Variants in ZFPM1 observed in about 807,000 individuals in gnomAD.
ZFPM1 encodes zinc finger protein, FOG family member 1.
Under a neutral mutation model 46.3 loss-of-function variants are expected in ZFPM1, and 28 were observed. That is an observed-to-expected ratio of 0.60 (90% CI 0.45 to 0.83). The LOEUF is 0.83. ZFPM1 is among the 40% of genes least tolerant of loss of function. The pLI, the probability that ZFPM1 is intolerant of heterozygous loss-of-function variation, is 0.00. For missense variants in ZFPM1, 1,878 were observed against 1,432.4 expected (o/e 1.31, Z -5.02); for synonymous variants, 957 against 675.9 (o/e 1.42, Z -6.45).
At chr16:88,460,876 G>A (rs1270121772) in intron 1 of ZFPM1, among the ~76,000 whole-genome samples, 1 of 152,062 alleles carries the variant, frequency 6.6e-6, no homozygotes, top group Non-Finnish European at 1.5e-5. Flanking sequence ...GGGCCACTGG[G>A]CAGGCTAAGG....
chr16:88,526,356 T>C (rs1176032693), intron 4 of ZFPM1, among the ~76,000 whole-genome samples: 1 of 152,180 alleles, frequency 6.6e-6, no homozygotes, highest in Non-Finnish European at 1.5e-5. Flanking sequence ...ATCTAGGGCC[T>C]GTGTGGAAGG....
At chr16:88,468,422 GC>G (rs1483915070) in intron 1 of ZFPM1, among the ~76,000 whole-genome samples, 1 of 152,152 alleles carries the variant, frequency 6.6e-6, no homozygotes, top group African/African-American at 2.4e-5. Flanking sequence ...CTCTCAACAG[GC>G]CCCCACAGGA....
At position 88,469,814 on chromosome 16, in the gene ZFPM1, G is replaced by A. The variant is rs74032882; in HGVS notation, c.41-16125G>A. On this transcript the variant is annotated intron_variant, in intron 1 of 9. Transcript: ENST00000319555. This position sits in a 1 kb window ranked among gnomAD's most constrained non-coding sequence, Gnocchi z 4.3. ...GAGAGGAAGTAGGGAGGGGCCGTCC[G>A]ACCAGAACCAGACATCACCTTGGCC... Among the ~76,000 whole-genome samples the A allele has an allele frequency of 3.1e-4, 47 of 152,110 alleles. No individual in the cohort carries two copies. Among genetic ancestry groups the A allele is most frequent in the African/African-American group, 1.0e-3 (42 of 41,506 alleles).
chr16:88,533,613 G>T lies in ZFPM1; in HGVS notation c.1655G>T (p.Ser552Ile). The T allele has an allele frequency of 6.8e-7, 1 of 1,480,194 alleles. No individual in the cohort carries two copies. Among genetic ancestry groups the T allele is most frequent in the Non-Finnish European group, 9.0e-7 (1 of 1,114,966 alleles). 91.7% of individuals were successfully genotyped at this position (1,480,194 alleles called of 1,614,324 possible). A position where few individuals can be genotyped will look rare whatever the true frequency, so the allele number is the denominator to read the frequency against. The change falls in exon 10 of 10, where the codon AGC becomes ATC. Residue 552 changes from serine (S) to isoleucine (I), a missense_variant. Coordinates refer to ENST00000319555, the MANE Select transcript of ZFPM1 (RefSeq NM_153813.3). ...ILAKMSELVH[S>I]RLQQGAGAGA... ...GCCAAGATGTCCGAGCTGGTGCACAGCCGGCTGCAGCAGGGCGCGGGCGCG... is the reference window on the plus strand; with the variant it reads ...GCCAAGATGTCCGAGCTGGTGCACATCCGGCTGCAGCAGGGCGCGGGCGCG...
chr16:88,465,541 G>C (rs953774714), intron 1 of ZFPM1, among the ~76,000 whole-genome samples: 1 of 152,242 alleles, frequency 6.6e-6, no homozygotes, highest in African/African-American at 2.4e-5. Context: ...CATTTCGCCT[G>C]TGTGGATCCC....
At chr16:88,496,181 C>T (rs1909920752) in intron 3 of ZFPM1, among the ~76,000 whole-genome samples, 2 of 152,188 alleles carry the variant, frequency 1.3e-5, no homozygotes, top group Non-Finnish European at 2.9e-5. Flanking sequence ...GCTCAGCACA[C>T]ATCCCCTGCC....
intron 2 of ZFPM1, among the ~76,000 whole-genome samples, chr16:88,487,825 C>A (rs1183067270): frequency 6.6e-6 from 1 of 152,176 alleles, no homozygotes; most frequent in African/African-American, 2.4e-5. Flanking sequence ...GCTGGGGCCG[C>A]CATCTCCCCT....
At chr16:88,513,419 GCCTGC>G (rs1222078147) in intron 3 of ZFPM1, 1 of 152,328 alleles carries the variant, frequency 6.6e-6, no homozygotes, top group Non-Finnish European at 1.5e-5. Flanking sequence ...TAAGACCACA[GCCTGC>G]CCAATCGGGG....
At chr16:88,475,038 C>G (rs1332339408) in intron 1 of ZFPM1, among the ~76,000 whole-genome samples, 1 of 152,254 alleles carries the variant, frequency 6.6e-6, no homozygotes, top group Non-Finnish European at 1.5e-5. Context: ...TCTGGCTGCT[C>G]TCTGCCTCAG....
At chr16:88,466,324 T>A (rs1437300979) in intron 1 of ZFPM1, among the ~76,000 whole-genome samples, 1 of 152,168 alleles carries the variant, frequency 6.6e-6, no homozygotes, top group Non-Finnish European at 1.5e-5. Context: ...GCCTATGACC[T>A]CATTCTCCTC....
At chr16:88,493,643 TGAGCTGTCCCGGGGTGCGGG>T (rs1398847756) in intron 3 of ZFPM1, among the ~76,000 whole-genome samples, 2 of 56,300 alleles carry the variant, frequency 3.6e-5, no homozygotes, top group Non-Finnish European at 8.2e-5. Flanking sequence ...CGGGGTGCGG[TGAGCTGTCCCGGGGTGCGGG>T]GAGCTGTCCC....
intron 2 of ZFPM1, among the ~76,000 whole-genome samples, chr16:88,486,702 A>C (rs1909247546): frequency 6.8e-6 from 1 of 148,020 alleles, no homozygotes; most frequent in South Asian, 2.1e-4. Context: ...GCTGGGTGCA[A>C]GTGGGTACTG....
intron 6 of ZFPM1, chr16:88,530,647 G>A (rs924521926): frequency 6.6e-6 from 1 of 152,266 alleles, no homozygotes; most frequent in African/African-American, 2.4e-5. Context: ...TTGGCCTGTG[G>A]TCACCAGCAG....
chr16:88,518,675 G>C (rs974746765), intron 4 of ZFPM1, among the ~76,000 whole-genome samples: 1 of 149,568 alleles, frequency 6.7e-6, no homozygotes, highest in Non-Finnish European at 1.5e-5. Context: ...ATGGATGAGT[G>C]GGTGGGTGGA....
intron 1 of ZFPM1, among the ~76,000 whole-genome samples, chr16:88,473,687 G>T (rs1908531657): frequency 6.6e-6 from 1 of 152,124 alleles, no homozygotes; most frequent in Admixed American, 6.5e-5. Flanking sequence ...CATCTGGGGA[G>T]GGGGGTCGCT....
At chr16:88,494,996 G>A (rs983845567) in intron 3 of ZFPM1, among the ~76,000 whole-genome samples, 41 of 152,238 alleles carry the variant, frequency 2.7e-4, no homozygotes, top group Non-Finnish European at 4.4e-5. Flanking sequence ...CTATGCAAAT[G>A]GCTAAGCCAT....
chr16:88,495,264 C>T (rs1909870617), intron 3 of ZFPM1, among the ~76,000 whole-genome samples: 1 of 152,208 alleles, frequency 6.6e-6, no homozygotes, highest in South Asian at 2.1e-4. Flanking sequence ...TAGGCTGGGC[C>T]ACAAGGAAAC....
Position 88,471,183 on chromosome 16 carries a change from T to C in ZFPM1, c.41-14756T>C, listed in dbSNP as rs930594022. Among the ~76,000 whole-genome samples the C allele has an allele frequency of 6.6e-6, 1 of 151,148 alleles. No individual in the cohort carries two copies. Among genetic ancestry groups the C allele is most frequent in the Non-Finnish European group, 1.5e-5 (1 of 68,030 alleles). On this transcript the variant is annotated intron_variant, in intron 1 of 9. Coordinates refer to ENST00000319555, the MANE Select transcript of ZFPM1 (RefSeq NM_153813.3). The surrounding 1 kb of genome is among the most constrained non-coding windows in gnomAD (Gnocchi z 4.1). ...CTTTTCCTCTCCACTTACTCCGCCC[T>C]GACCGCGATGGGCACTGAGAATTCA...
At chr16:88,486,569 A>G (rs1909236597) in intron 2 of ZFPM1, among the ~76,000 whole-genome samples, 1 of 149,478 alleles carries the variant, frequency 6.7e-6, no homozygotes, top group South Asian at 2.1e-4. Context: ...CTGGGTACAC[A>G]GTGGGTGCTA....
Sources: allele counts gnomAD v4.1 joint callset (sites outside exome capture counted in the v4.1 genomes callset), GRCh38; gene constraint gnomAD v4.1.1; non-coding constraint Gnocchi (gnomAD v3.1); transcripts MANE v1.5; gene names NCBI Gene and HGNC (gene_info 2026-07-23, HGNC 2026-07-21).